PTPN11: variants seen among roughly 807,000 people sequenced by gnomAD.
PTPN11 encodes protein tyrosine phosphatase non-receptor type 11, also known as tyrosine-protein phosphatase non-receptor type 11.
A neutral mutation model predicts 78.8 loss-of-function variants in PTPN11; 6 were observed. The observed-to-expected ratio is 0.08, with a 90% confidence interval of 0.04 to 0.15. PTPN11 has a LOEUF of 0.15. Among genes scored for constraint, PTPN11 ranks in the 10% least tolerant of loss-of-function variants. PTPN11 has a pLI of 1.00. For synonymous variants in PTPN11, 221 were observed against 263.5 expected, an observed-to-expected ratio of 0.84 and a Z score of 1.56; for missense variants, 386 against 744.8, an observed-to-expected ratio of 0.52 and a Z score of 5.61.
intron 1 of PTPN11, among the ~76,000 whole-genome samples, chr12:112,426,601 C>G (rs1041183395): frequency 1.3e-5 from 2 of 151,834 alleles, no homozygotes; most frequent in African/African-American, 4.8e-5. Flanking sequence ...GAAATGTAAA[C>G]TCTTACAGAC....
chr12:112,420,830 A>G (rs2037513241), intron 1 of PTPN11, among the ~76,000 whole-genome samples: 1 of 152,234 alleles, frequency 6.6e-6, no homozygotes, highest in Non-Finnish European at 1.5e-5. Flanking sequence ...TTTCAACAGA[A>G]CAGTGTATAG....
At chr12:112,481,923 C>G in intron 9 of PTPN11, 151 bp from the exon 10 acceptor site, 1 of 810,282 alleles carries the variant, frequency 1.2e-6, no homozygotes, top group Non-Finnish European at 2.0e-6. Context: ...TTGAACTCTT[C>G]TGTCCTTTTC....
intron 1 of PTPN11, among the ~76,000 whole-genome samples, chr12:112,438,732 C>G (rs1050214693): frequency 1.1e-4 from 16 of 152,184 alleles, no homozygotes; most frequent in African/African-American, 3.6e-4. Context: ...ATCCACCCAC[C>G]TTGGCCTCCC....
intron 6 of PTPN11, among the ~76,000 whole-genome samples, chr12:112,470,629 C>T (rs1432623468): frequency 1.3e-5 from 2 of 152,126 alleles, no homozygotes; most frequent in Admixed American, 1.3e-4. Context: ...ATTGCTTTGG[C>T]CACGTGTGCC....
At chr12:112,456,634 A>G (rs2038165554) in intron 6 of PTPN11, among the ~76,000 whole-genome samples, 1 of 151,770 alleles carries the variant, frequency 6.6e-6, no homozygotes, top group Admixed American at 6.6e-5. Context: ...TAATTTTTGT[A>G]TTTTTGGTAG....
At chr12:112,484,945 G>A (rs1312727588) in intron 10 of PTPN11, among the ~76,000 whole-genome samples, 1 of 151,872 alleles carries the variant, frequency 6.6e-6, no homozygotes, top group African/African-American at 2.4e-5. Context: ...AGAGAAAAGT[G>A]TCCTTTTACA....
intron 1 of PTPN11, among the ~76,000 whole-genome samples, chr12:112,431,425 T>C (rs1326213046): frequency 6.6e-6 from 1 of 152,162 alleles, no homozygotes; most frequent in African/African-American, 2.4e-5. Flanking sequence ...AGATGTGTCC[T>C]TCACCCTCAT....
chr12:112,449,166 C>T (rs994943351), intron 2 of PTPN11, among the ~76,000 whole-genome samples: 5 of 148,358 alleles, frequency 3.4e-5, no homozygotes. Flanking sequence ...GGATTACAGA[C>T]GTGAGCCACC....
chr12:112,470,765 G>A (rs951033045), intron 6 of PTPN11, among the ~76,000 whole-genome samples: 41 of 151,978 alleles, frequency 2.7e-4, no homozygotes, highest in Non-Finnish European at 1.2e-4. Flanking sequence ...CCCCTCCCCC[G>A]GTATGTATTT....
intron 1 of PTPN11, among the ~76,000 whole-genome samples, chr12:112,443,374 TG>T (rs2037939103): frequency 6.6e-6 from 1 of 151,418 alleles, no homozygotes; most frequent in Admixed American, 6.6e-5. Context: ...TTTTTTTTTT[TG>T]GAGATGGAAT....
chr12:112,455,780 A>G (rs2038150042), intron 5 of PTPN11, among the ~76,000 whole-genome samples, 170 bp from the exon 6 acceptor site: 1 of 152,214 alleles, frequency 6.6e-6, no homozygotes, highest in African/African-American at 2.4e-5. Context: ...CTGAACAGAA[A>G]ACACGGTGAA....
chr12:112,459,167 CA>C (rs1468054215), intron 6 of PTPN11, among the ~76,000 whole-genome samples: 8 of 152,192 alleles, frequency 5.3e-5, no homozygotes, highest in Admixed American at 5.2e-4. Context: ...TCATTACTTT[CA>C]CTTCATTTCA....
chr12:112,452,719 G>A (rs2038096212), intron 3 of PTPN11, among the ~76,000 whole-genome samples: 1 of 151,924 alleles, frequency 6.6e-6, no homozygotes, highest in Admixed American at 6.6e-5. Flanking sequence ...GTGAAGATGG[G>A]GATTTCACTG....
At chr12:112,445,639 CTT>C (rs531888743) in intron 1 of PTPN11, among the ~76,000 whole-genome samples, 14 of 138,940 alleles carry the variant, frequency 1.0e-4, no homozygotes, top group African/African-American at 2.4e-4. Flanking sequence ...GAAACTTATT[CTT>C]TTTTTTTTTT....
intron 6 of PTPN11, among the ~76,000 whole-genome samples, chr12:112,462,681 CT>C (rs1703686347): frequency 6.6e-6 from 1 of 152,096 alleles, no homozygotes; most frequent in Non-Finnish European, 1.5e-5. Context: ...AGTAGCATAA[CT>C]TTACATACTT....
chr12:112,440,712 T>C (rs2037874711), intron 1 of PTPN11, among the ~76,000 whole-genome samples: 1 of 151,434 alleles, frequency 6.6e-6, no homozygotes, highest in Non-Finnish European at 1.5e-5. Context: ...TATCTGAGAT[T>C]ACAGATGTGT....
intron 13 of PTPN11, among the ~76,000 whole-genome samples, chr12:112,492,259 G>A (rs1039293839): frequency 6.6e-6 from 1 of 152,092 alleles, no homozygotes; most frequent in African/African-American, 2.4e-5. Flanking sequence ...ATTACTAGTG[G>A]TGTTAACTTT....
chr12:112,478,064 A>G (rs2038537233), intron 9 of PTPN11, 49 bp downstream of exon 9: 1 of 1,601,384 alleles, frequency 6.2e-7, no homozygotes, highest in Non-Finnish European at 8.5e-7. Context: ...AAAGTATCAG[A>G]CATGTCAGAT....
intron 2 of PTPN11, among the ~76,000 whole-genome samples, chr12:112,447,175 G>C (rs544594779): frequency 1.3e-5 from 2 of 151,848 alleles, no homozygotes; most frequent in Non-Finnish European, 2.9e-5. Flanking sequence ...AGACTTTGTT[G>C]ACTTCTTAAT....
Sources: gnomAD v4.1 joint callset for allele counts (sites outside exome capture counted in the v4.1 genomes callset) on GRCh38, gnomAD v4.1.1 for gene constraint, MANE v1.5 for transcripts, NCBI Gene and HGNC (gene_info 2026-07-23, HGNC 2026-07-21) for gene names.